The following RASAL2 variants were observed in gnomAD, a reference collection of about 807,000 sequenced individuals.
RASAL2 encodes the protein ras GTPase-activating protein nGAP.
Under a neutral mutation model 128.9 loss-of-function variants are expected in RASAL2, and 58 were observed. That is an observed-to-expected ratio of 0.45 (90% confidence interval 0.36 to 0.56). The LOEUF (loss-of-function observed/expected upper bound fraction) is 0.56, where lower values mean the gene tolerates loss of function less well. Among genes scored for constraint, RASAL2 ranks in the 20% least tolerant of loss-of-function variants. RASAL2 has a pLI of 0.00. For missense variants in RASAL2, 1,360 were observed against 1,601.6 expected (o/e 0.85, Z 2.57); for synonymous variants, 561 against 580.8 (o/e 0.97, Z 0.49).
intron 1 of RASAL2, among the ~76,000 whole-genome samples, chr1:178,147,629 T>C (rs955545505): frequency 5.9e-5 from 9 of 152,228 alleles, no homozygotes; most frequent in African/African-American, 2.2e-4. Flanking sequence ...TGAGGCAAGC[T>C]GATCTTTCCT....
intron 1 of RASAL2, among the ~76,000 whole-genome samples, chr1:178,198,182 TA>T (rs1338527066): frequency 6.6e-6 from 1 of 152,196 alleles, no homozygotes; most frequent in East Asian, 1.9e-4. Flanking sequence ...GTCTTTATAG[TA>T]GCATGATTTA....
intron 17 of RASAL2, chr1:178,470,742 C>A: frequency 7.3e-7 from 1 of 1,364,118 alleles, no homozygotes; most frequent in Non-Finnish European, 9.8e-7. Context: ...ACCCCGCGTC[C>A]GTTCTCTAGC....
At chr1:178,309,182 C>A (rs535139552) in intron 3 of RASAL2, among the ~76,000 whole-genome samples, 2 of 152,012 alleles carry the variant, frequency 1.3e-5, no homozygotes, top group Admixed American at 6.6e-5. Flanking sequence ...AAATAATATC[C>A]TGGTATTTCT....
intron 1 of RASAL2, among the ~76,000 whole-genome samples, chr1:178,111,896 ATTT>A (rs1405973959): frequency 6.6e-6 from 1 of 151,954 alleles, no homozygotes; most frequent in East Asian, 1.9e-4. Context: ...TGCCTGGCTA[ATTT>A]TTGTATTTTT....
At chr1:178,223,166 T>C (rs990371195) in intron 1 of RASAL2, among the ~76,000 whole-genome samples, 7 of 152,222 alleles carry the variant, frequency 4.6e-5, no homozygotes, top group African/African-American at 1.7e-4. Flanking sequence ...GCTTACAATT[T>C]GCTAAGCACT....
chr1:178,239,681 C>G (rs1296828189), intron 1 of RASAL2, among the ~76,000 whole-genome samples: 1 of 151,974 alleles, frequency 6.6e-6, no homozygotes, highest in East Asian at 1.9e-4. Flanking sequence ...AGGACACTAC[C>G]TCATGGACAC....
At chr1:178,348,888 C>T (rs1205776165) in intron 3 of RASAL2, among the ~76,000 whole-genome samples, 5 of 151,342 alleles carry the variant, frequency 3.3e-5, no homozygotes, top group Non-Finnish European at 7.4e-5. Context: ...CAAGCTCCGC[C>T]TCCTGGGTTC....
chr1:178,260,350 C>CAAAAAAAAAAAA (rs1243797175), intron 1 of RASAL2, among the ~76,000 whole-genome samples: 2 of 434 alleles, frequency 4.6e-3, no homozygotes, highest in Non-Finnish European at 0.015. Context: ...AGACTCGTCT[C>CAAAAAAAAAAAA]AAAAAAAAAA....
intron 3 of RASAL2, among the ~76,000 whole-genome samples, chr1:178,339,198 C>G (rs1001708408): frequency 1.3e-5 from 2 of 152,178 alleles, no homozygotes; most frequent in African/African-American, 4.8e-5. Context: ...TTTCAAGTGA[C>G]TAACTGAAGC....
intron 5 of RASAL2, among the ~76,000 whole-genome samples, chr1:178,434,954 A>C (rs1052012256): frequency 2.0e-5 from 3 of 152,170 alleles, no homozygotes; most frequent in Admixed American, 2.0e-4. Flanking sequence ...GACACTATAT[A>C]AACTTGCTGG....
chr1:178,223,956 A>C (rs1184501660), intron 1 of RASAL2, among the ~76,000 whole-genome samples: 1 of 152,202 alleles, frequency 6.6e-6, no homozygotes, highest in Non-Finnish European at 1.5e-5. Context: ...GAAAGATCAT[A>C]GTGTAGGTTT....
chr1:178,320,919 C>T (rs1422572620), intron 3 of RASAL2, among the ~76,000 whole-genome samples: 1 of 152,186 alleles, frequency 6.6e-6, no homozygotes, highest in Non-Finnish European at 1.5e-5. Flanking sequence ...GTTAAGCTCT[C>T]ATTCACTGAG....
intron 1 of RASAL2, among the ~76,000 whole-genome samples, chr1:178,192,661 A>G (rs1191668438): frequency 6.6e-6 from 1 of 152,246 alleles, no homozygotes; most frequent in Non-Finnish European, 1.5e-5. Context: ...TTCTAAAGGT[A>G]GAAACGAGTC....
chr1:178,252,021 C>G (rs1558142981), intron 1 of RASAL2, among the ~76,000 whole-genome samples: 1 of 151,906 alleles, frequency 6.6e-6, no homozygotes, highest in Non-Finnish European at 1.5e-5. Context: ...GGTTGGGGTC[C>G]AAAAACATTG....
intron 3 of RASAL2, among the ~76,000 whole-genome samples, chr1:178,311,244 A>G (rs1258164054): frequency 2.1e-5 from 2 of 93,270 alleles, no homozygotes; most frequent in African/African-American, 8.0e-5. Flanking sequence ...ACAGCCATAC[A>G]CACACACAAA....
chr1:178,199,643 G>A (rs564610426), intron 1 of RASAL2, among the ~76,000 whole-genome samples: 1 of 152,224 alleles, frequency 6.6e-6, no homozygotes, highest in African/African-American at 2.4e-5. Context: ...TTGAATATGT[G>A]CACATGTGAA....
In RASAL2 at chr1:178,457,843, A is replaced by T; in HGVS notation, c.2551A>T (p.Met851Leu). 1 of 1,614,208 alleles carries T rather than the reference A, an allele frequency of 6.2e-7. No homozygotes were observed. The highest frequency in any genetic ancestry group is 8.5e-7 in the Non-Finnish European group (1 of 1,180,030). ...SLPNGRSVSL[M>L]DLQDTHAAQV... is the part of the protein sequence containing the mutation. ...TCCTAATGGTCGGAGCGTCTCCCTC[A>T]TGGACCTCCAGGACACTCATGCTGC... The change falls in exon 14 of 18, where the codon ATG (methionine) becomes TTG (leucine). Residue 851 changes from methionine (M) to leucine (L), a missense_variant. By Grantham distance (15) the Met-to-Leu change is conservative. This residue lies in a region of RASAL2 where 741 missense variants were observed against 868.6 expected (regional missense o/e 0.85). Transcript: ENST00000367649.
intron 1 of RASAL2, among the ~76,000 whole-genome samples, chr1:178,157,624 C>A (rs1402684028): frequency 1.3e-5 from 2 of 152,146 alleles, no homozygotes; most frequent in South Asian, 4.1e-4. Context: ...GTTGATAGTG[C>A]TCTCAGAGCA....
intron 4 of RASAL2, 64 bp downstream of exon 4, chr1:178,390,270 A>T: frequency 1.7e-6 from 2 of 1,203,518 alleles, no homozygotes; most frequent in Non-Finnish European, 2.4e-6. Flanking sequence ...TCTTAGAGTT[A>T]GGGGCAGCTA....
Sources: gnomAD v4.1 joint callset for allele counts (sites outside exome capture counted in the v4.1 genomes callset) on GRCh38, gnomAD v4.1.1 for gene constraint, gnomAD v4.1.1 regional missense constraint, MANE v1.5 for transcripts, NCBI Gene and HGNC (gene_info 2026-07-23, HGNC 2026-07-21) for gene names.